The following CUX1 variants were observed in gnomAD, a reference collection of about 807,000 sequenced individuals.
CUX1 encodes the protein cut like homeobox 1.
Under a neutral mutation model 158.8 loss-of-function variants are expected in CUX1, and 31 were observed. That is an observed-to-expected ratio of 0.20 (90% CI 0.15 to 0.26). The LOEUF is 0.26. Ranked by LOEUF, CUX1 falls within the 10% of genes least tolerant of loss-of-function variation. CUX1 has a pLI of 1.00. For missense variants in CUX1, 1,589 were observed against 2,014.6 expected (o/e 0.79, Z 4.04); for synonymous variants, 879 against 862.1 (o/e 1.02, Z -0.34).
intron 1 of CUX1, among the ~76,000 whole-genome samples, chr7:101,838,160 C>T (rs1232576256): frequency 1.3e-5 from 2 of 150,672 alleles, no homozygotes; most frequent in African/African-American, 4.9e-5. Flanking sequence ...CACAGAGTCT[C>T]GCTCTGTCGC....
chr7:102,115,236 G>A lies in CUX1; in HGVS notation c.637G>A (p.Asp213Asn), dbSNP rs1554491419. 1 of 1,609,878 alleles carries A rather than the reference G, an allele frequency of 6.2e-7. No homozygotes were observed. The highest frequency in any genetic ancestry group is 1.1e-5 in the South Asian group (1 of 90,102). Residue 213 changes from aspartate to asparagine, a missense_variant, in exon 8 of 24, where the codon GAC becomes AAC. Around this residue, in one of 8 missense-constraint regions of CUX1, gnomAD observed 515 missense variants for 574.4 expected, o/e 0.90. Coordinates refer to ENST00000292535, the MANE Select transcript of CUX1 (RefSeq NM_181552.4). ...ALEKTRTELF[D>N]LKTKYDEETT... ...GGAAAAAACTCGAACAGAATTATTT[G>A]ACCTGAAAACCAAATACGATGAAGA...
chr7:102,074,731 T>G (rs962508308), intron 4 of CUX1, among the ~76,000 whole-genome samples: 3 of 152,362 alleles, frequency 2.0e-5, no homozygotes, highest in Non-Finnish European at 4.4e-5. Flanking sequence ...CATATCTGAC[T>G]GCCGCCTGGA....
chr7:101,896,520 C>G (rs1414909639), intron 1 of CUX1, among the ~76,000 whole-genome samples: 1 of 152,138 alleles, frequency 6.6e-6, no homozygotes, highest in Non-Finnish European at 1.5e-5. Context: ...GGTGAACTCA[C>G]TTTAGAACTC....
At chr7:101,988,486 C>T (rs1654993683) in intron 2 of CUX1, among the ~76,000 whole-genome samples, 1 of 152,170 alleles carries the variant, frequency 6.6e-6, no homozygotes, top group African/African-American at 2.4e-5. Context: ...TGCCACAGAT[C>T]TGTGTCCCCA....
At chr7:102,079,213 G>A (rs1827095483) in intron 4 of CUX1, among the ~76,000 whole-genome samples, 2 of 152,134 alleles carry the variant, frequency 1.3e-5, no homozygotes, top group South Asian at 4.1e-4. Context: ...CGAGGCAGGC[G>A]GATCACCTGA....
At chr7:102,139,242 C>CT (rs1321037179) in intron 8 of CUX1, among the ~76,000 whole-genome samples, 4 of 88,898 alleles carry the variant, frequency 4.5e-5, no homozygotes, top group Non-Finnish European at 6.3e-5. Flanking sequence ...GAGACTACAT[C>CT]TTAAAAAAAA....
chr7:102,239,384 C>T lies in CUX1; in HGVS notation c.3687C>T (p.Gly1229=), dbSNP rs1554534018. The T allele has an allele frequency of 6.2e-7, 1 of 1,613,260 alleles. No homozygotes were observed. The highest frequency in any genetic ancestry group is 2.2e-5 in the East Asian group (1 of 44,868). Residue 1229 remains glycine (G), a synonymous_variant, in exon 23 of 24, where the codon GGC becomes GGT. Coordinates refer to ENST00000292535, the MANE Select transcript of CUX1 (RefSeq NM_181552.4). ...DSQPCEPPSV[G]TEYSQGASPQ... is the part of the protein sequence containing the mutation. ...AGCCCTGCGAACCGCCCTCTGTCGG[C>T]ACCGAGTACAGCCAGGGCGCCAGCC...
chr7:101,926,893 G>C (rs1289565166), intron 2 of CUX1, among the ~76,000 whole-genome samples: 2 of 152,070 alleles, frequency 1.3e-5, no homozygotes, highest in African/African-American at 4.8e-5. Context: ...TTTACAAGTA[G>C]TCCTGAGCCC....
In CUX1 at chr7:101,860,727, CCCTT is replaced by C. The variant is rs1554397487; in HGVS notation, c.30+43062_30+43065del. ...CTTTATCCTCTCTCTCTTTTATCTC[CCCTT>C]CCTCCCTTCCTTCCTTCCTTCCTTC... is the stretch of plus-strand genomic sequence containing the variant. On this transcript the variant is annotated intron_variant, in intron 1 of 23. Transcript: ENST00000292535. 3.1e-5 allele frequency among the ~76,000 whole-genome samples: 4 copies of C among 130,346 alleles called. No homozygotes were observed. In the South Asian group the frequency reaches 1.0e-3, roughly 33 times the overall value. 85.5% of individuals were successfully genotyped at this position (130,346 alleles called of 152,430 possible).
intron 2 of CUX1, among the ~76,000 whole-genome samples, chr7:101,994,318 T>A (rs1427117766): frequency 6.6e-6 from 1 of 152,220 alleles, no homozygotes; most frequent in Non-Finnish European, 1.5e-5. Flanking sequence ...TAAGAAGATT[T>A]GAGGCCAGGG....
intron 21 of CUX1, among the ~76,000 whole-genome samples, chr7:102,231,954 C>G (rs1196898356): frequency 1.3e-5 from 2 of 151,794 alleles, no homozygotes; most frequent in African/African-American, 4.8e-5. Context: ...ACCTCATGAT[C>G]TGCCCACCTT....
chr7:102,170,566 C>CCCGTGGGG lies in CUX1; in HGVS notation c.828+17_828+24dup. ...ACCAGACGTGGTGGGTAGCCCCGGC[C>CCCGTGGGG]CCGTGGGGGACTGTCCCCGCCTGGC... On this transcript the variant is annotated intron_variant, in intron 10 of 23. Coordinates refer to ENST00000292535, the MANE Select transcript of CUX1 (RefSeq NM_181552.4). 1 of 1,550,410 alleles carries CCCGTGGGG rather than the reference C, an allele frequency of 6.4e-7. No individual in the cohort carries two copies. The highest frequency in any genetic ancestry group is 8.8e-7 in the Non-Finnish European group (1 of 1,142,244).
intron 20 of CUX1, among the ~76,000 whole-genome samples, chr7:102,212,597 TAC>T (rs1469524787): frequency 3.3e-5 from 5 of 152,138 alleles, no homozygotes; most frequent in Non-Finnish European, 5.9e-5. Context: ...CATTCAAACT[TAC>T]AGTCTTTTTA....
At chr7:102,277,637 A>C (rs1791701619) in intron 17 of CUX1, among the ~76,000 whole-genome samples, 1 of 152,024 alleles carries the variant, frequency 6.6e-6, no homozygotes, top group Non-Finnish European at 1.5e-5. Context: ...AAATAAAATA[A>C]AATATATAGA....
chr7:101,868,943 G>A (rs556921894), intron 1 of CUX1, among the ~76,000 whole-genome samples: 3 of 152,200 alleles, frequency 2.0e-5, no homozygotes, highest in African/African-American at 7.2e-5. Context: ...TGGAAACCTG[G>A]GCGAGAACAG....
chr7:102,044,643 C>T (rs539868170), intron 3 of CUX1, among the ~76,000 whole-genome samples: 18 of 152,228 alleles, frequency 1.2e-4, no homozygotes, highest in African/African-American at 4.3e-4. Context: ...GAAGTGGTTA[C>T]ATAAAACATT....
At chr7:102,025,807 A>G (rs1819951894) in intron 2 of CUX1, among the ~76,000 whole-genome samples, 1 of 152,192 alleles carries the variant, frequency 6.6e-6, no homozygotes, top group South Asian at 2.1e-4. Flanking sequence ...GGGAAATTAT[A>G]ATGCTTCTTG....
intron 1 of CUX1, among the ~76,000 whole-genome samples, chr7:101,836,459 G>A (rs1046588820): frequency 6.6e-5 from 10 of 151,752 alleles, no homozygotes; most frequent in East Asian, 3.9e-4. Flanking sequence ...GGTTGCCCCC[G>A]CGGTCCTCCC....
chr7:101,978,255 G>A (rs1812967301), intron 2 of CUX1, among the ~76,000 whole-genome samples: 1 of 152,152 alleles, frequency 6.6e-6, no homozygotes, highest in Non-Finnish European at 1.5e-5. Flanking sequence ...GCTTCACATG[G>A]CTTCAAAAGA....
Sources: gnomAD v4.1 joint callset for allele counts (sites outside exome capture counted in the v4.1 genomes callset) on GRCh38, gnomAD v4.1.1 for gene constraint, gnomAD v4.1.1 regional missense constraint, MANE v1.5 for transcripts, NCBI Gene and HGNC (gene_info 2026-07-23, HGNC 2026-07-21) for gene names.